Variants in TAOK3 observed in about 807,000 individuals in gnomAD.
The protein encoded by TAOK3 is serine/threonine-protein kinase TAO3.
TAOK3 carries 40 observed loss-of-function variants against 120.4 expected under a neutral mutation model. The ratio of observed to expected loss-of-function variants is 0.33; its 90% CI spans 0.26 to 0.43. The LOEUF (loss-of-function observed/expected upper bound fraction) is 0.43, where lower values mean the gene tolerates loss of function less well. Among genes scored for constraint, TAOK3 ranks in the 20% least tolerant of loss-of-function variants. The probability of loss-of-function intolerance (pLI) is 1.00; values close to 1 mark genes in which losing one functional copy is unlikely to be tolerated. For missense variants in TAOK3, 821 were observed against 1,112.1 expected (o/e 0.74, Z 3.72); for synonymous variants, 355 against 387.5 (o/e 0.92, Z 0.99).
chr12:118,303,636 C>G (rs899188884), intron 1 of TAOK3, among the ~76,000 whole-genome samples: 1 of 152,068 alleles, frequency 6.6e-6, no homozygotes, highest in Non-Finnish European at 1.5e-5. Context: ...TTTAATTTTT[C>G]CCTTACTGCT....
Position 118,160,442 on chromosome 12 carries a change from G to A in TAOK3, c.2140-84C>T. ...TCTACCATAATGATATAATACAAGT[G>A]CTGAGAGCGTCTGTTTTTTGGTGCA... On this transcript the variant is annotated intron_variant, in intron 18 of 20. Transcript: ENST00000392533. The surrounding 1 kb of genome is among the most constrained non-coding windows in gnomAD (Gnocchi z 4.2). 6 of 1,153,154 alleles carry A rather than the reference G, an allele frequency of 5.2e-6. No individual in the cohort carries two copies. Among genetic ancestry groups the A allele is most frequent in the Non-Finnish European group, 7.5e-6 (6 of 796,658 alleles). The allele number at this position is 1,153,154 out of a possible 1,614,324, so 71.4% of individuals were successfully genotyped here.
chr12:118,162,999 A>C (rs1229200894), intron 17 of TAOK3, among the ~76,000 whole-genome samples: 1 of 152,226 alleles, frequency 6.6e-6, no homozygotes, highest in Non-Finnish European at 1.5e-5. Flanking sequence ...GAAGTGCACT[A>C]GACATTTATT....
chr12:118,332,577 T>C (rs1249608152), intron 1 of TAOK3, among the ~76,000 whole-genome samples: 1 of 152,234 alleles, frequency 6.6e-6, no homozygotes, highest in East Asian at 1.9e-4. Flanking sequence ...ATAAAGAAGA[T>C]TAAATCTTTA....
At chr12:118,177,919 A>C (rs2036450172) in intron 15 of TAOK3, among the ~76,000 whole-genome samples, 1 of 152,232 alleles carries the variant, frequency 6.6e-6, no homozygotes, top group South Asian at 2.1e-4. Context: ...CTGAACACAA[A>C]AACATTCATG....
At chr12:118,244,559 C>T (rs371283483) in intron 4 of TAOK3, among the ~76,000 whole-genome samples, 40 of 133,508 alleles carry the variant, frequency 3.0e-4, no homozygotes, top group African/African-American at 9.8e-4. Flanking sequence ...GACAGAGCCT[C>T]GCTCTGTCAC....
At chr12:118,205,275 G>A (rs1047783550) in intron 11 of TAOK3, among the ~76,000 whole-genome samples, 24 of 151,718 alleles carry the variant, frequency 1.6e-4, no homozygotes, top group African/African-American at 3.4e-4. Context: ...GCTGAGGCAC[G>A]AGAATCAATT....
At chr12:118,284,126 C>T (rs1003733514) in intron 1 of TAOK3, among the ~76,000 whole-genome samples, 7 of 151,920 alleles carry the variant, frequency 4.6e-5, no homozygotes, top group Admixed American at 3.3e-4. Context: ...TAATGATTAT[C>T]TTTGGGTATA....
intron 1 of TAOK3, among the ~76,000 whole-genome samples, chr12:118,339,348 G>A (rs924384582): frequency 7.2e-6 from 1 of 138,760 alleles, no homozygotes; most frequent in Non-Finnish European, 1.5e-5. Flanking sequence ...GCAATGGCGC[G>A]ATCTCGGCTC....
chr12:118,369,004 G>GAAAAAAAAAA (rs975694288), intron 1 of TAOK3, among the ~76,000 whole-genome samples: 7 of 69,348 alleles, frequency 1.0e-4, no homozygotes, highest in African/African-American at 2.2e-4. Context: ...ACTAAAAATA[G>GAAAAAAAAAA]AAAAAAAAAA....
chr12:118,274,795 ATTT>A (rs34458120), intron 1 of TAOK3, among the ~76,000 whole-genome samples: 4,405 of 141,796 alleles, frequency 0.031, 182 homozygotes, highest in African/African-American at 0.097. Context: ...CACCCTGTTA[ATTT>A]TTTTTTTTTT....
intron 14 of TAOK3, among the ~76,000 whole-genome samples, chr12:118,181,943 G>C (rs985381581): frequency 2.6e-5 from 4 of 152,182 alleles, no homozygotes; most frequent in African/African-American, 9.7e-5. Context: ...CCAGTACTTT[G>C]GGAGGCTGAG....
rs749767147 is a variant in TAOK3, at chr12:118,199,205, T to C, written c.1040A>G (p.Asn347Ser). The C allele has an allele frequency of 8.1e-6, 13 of 1,613,970 alleles. No homozygotes were observed. The South Asian group carries it at 9.9e-5, about 12-fold the overall frequency. The stretch of plus-strand genomic sequence containing the variant: ...CACGGACATGCTTGGAATGGAATGG[T>C]TGCTGCCCAGGCTGTCCATTTCCCT... ...LNREMDSLGSNHSIPSMSVST... is the reference protein window; with the variant it reads ...LNREMDSLGSSHSIPSMSVST... The change falls in exon 13 of 21, where the codon AAC becomes AGC. Residue 347 changes from asparagine (N) to serine (S), a missense_variant. Around this residue, in one of 2 missense-constraint regions of TAOK3, gnomAD observed 467 missense variants for 540.0 expected, o/e 0.86. Coordinates refer to ENST00000392533, the MANE Select transcript of TAOK3 (RefSeq NM_016281.4).
chr12:118,166,715 A>G (rs563332379), intron 17 of TAOK3, among the ~76,000 whole-genome samples: 1 of 152,182 alleles, frequency 6.6e-6, no homozygotes, highest in East Asian at 1.9e-4. Flanking sequence ...CCTTTAGCTT[A>G]TACAAATTTA....
intron 1 of TAOK3, among the ~76,000 whole-genome samples, chr12:118,275,925 C>T (rs2041885815): frequency 6.6e-6 from 1 of 151,912 alleles, no homozygotes. Context: ...GTGGTACAGG[C>T]GAGGGAATAG....
chr12:118,199,146 T>C lies in TAOK3; in HGVS notation c.1099A>G (p.Met367Val). 1 of 1,614,208 alleles carries C rather than the reference T, an allele frequency of 6.2e-7. No individual in the cohort carries two copies. The highest frequency in any genetic ancestry group is 2.2e-5 in the East Asian group (1 of 44,888). Residue 367 changes from methionine to valine, a missense_variant, in exon 13 of 21, where the codon ATG (methionine) becomes GTG (valine). Physicochemically the swap from Met to Val is conservative, Grantham distance 21 (BLOSUM62 1). Coordinates refer to ENST00000392533, the MANE Select transcript of TAOK3 (RefSeq NM_016281.4). ...CTGCTCTCGTCCATGACTTCCTGCA[T>C]GCTGTTCACACTGCTGCTCTGGCTG... ...TGSQSSSVNS[M>V]QEVMDESSSE...
intron 1 of TAOK3, among the ~76,000 whole-genome samples, chr12:118,332,612 T>C (rs1390689562): frequency 6.6e-6 from 1 of 152,234 alleles, no homozygotes; most frequent in East Asian, 1.9e-4. Flanking sequence ...TTCCTTAGGA[T>C]ACACAGAAAG....
In TAOK3 at chr12:118,371,052, G is replaced by A. The variant is rs2045877919; in HGVS notation, c.-194+1596C>T. 6.6e-6 allele frequency among the ~76,000 whole-genome samples: 1 copy of A among 152,190 alleles called. No individual in the cohort carries two copies. Among genetic ancestry groups the A allele is most frequent in the Non-Finnish European group, 1.5e-5 (1 of 68,036 alleles). The stretch of plus-strand genomic sequence containing the variant: ...CAACAGATCAAAGTTAAACAGTCCA[G>A]ATTCCAAACCTAGTATAGTTCCTTT... On this transcript the variant is annotated intron_variant, in intron 1 of 20. Coordinates refer to ENST00000392533, the MANE Select transcript of TAOK3 (RefSeq NM_016281.4). This position sits in a 1 kb window ranked among gnomAD's most constrained non-coding sequence, Gnocchi z 5.5.
intron 8 of TAOK3, among the ~76,000 whole-genome samples, chr12:118,235,266 A>G (rs2039974762): frequency 6.6e-6 from 1 of 152,198 alleles, no homozygotes. Flanking sequence ...GAAAAGTTCA[A>G]AAGAAACTGC....
At chr12:118,302,875 C>T (rs909373012) in intron 1 of TAOK3, among the ~76,000 whole-genome samples, 1 of 152,098 alleles carries the variant, frequency 6.6e-6, no homozygotes, top group African/African-American at 2.4e-5. Context: ...ATCACGACTA[C>T]CATTTTGTAA....
Sources: allele counts gnomAD v4.1 joint callset (sites outside exome capture counted in the v4.1 genomes callset), GRCh38; gene constraint gnomAD v4.1.1; regional missense constraint gnomAD v4.1.1; non-coding constraint Gnocchi (gnomAD v3.1); transcripts MANE v1.5; gene names NCBI Gene and HGNC (gene_info 2026-07-23, HGNC 2026-07-21).